The following R3HDM1 variants were observed in gnomAD, a reference collection of about 807,000 sequenced individuals.
R3HDM1 encodes the protein R3H domain containing 1, also known as R3H domain-containing protein 1.
R3HDM1 carries 46 observed loss-of-function variants against 141.1 expected under a neutral mutation model. The ratio of observed to expected loss-of-function variants is 0.33; its 90% CI spans 0.26 to 0.42. The LOEUF (loss-of-function observed/expected upper bound fraction) is 0.42. R3HDM1 is among the 10% of genes least tolerant of loss of function. The probability of loss-of-function intolerance (pLI) is 1.00; values close to 1 mark genes in which losing one functional copy is unlikely to be tolerated. For missense variants in R3HDM1, 1,184 were observed against 1,368.3 expected, an observed-to-expected ratio of 0.87 and a Z score of 2.12; for synonymous variants, 435 against 472.9, an observed-to-expected ratio of 0.92 and a Z score of 1.04.
At chr2:135,690,968 T>A (rs907376195) in intron 21 of R3HDM1, among the ~76,000 whole-genome samples, 1 of 152,192 alleles carries the variant, frequency 6.6e-6, no homozygotes, top group Non-Finnish European at 1.5e-5. Flanking sequence ...TATCCATAAT[T>A]GATCACACCG....
chr2:135,697,177 T>C (rs1403321666), intron 21 of R3HDM1, among the ~76,000 whole-genome samples: 1 of 152,180 alleles, frequency 6.6e-6, no homozygotes, highest in African/African-American at 2.4e-5. Flanking sequence ...GGCATACTCC[T>C]GTAATCCCAA....
At chr2:135,538,597 A>G (rs1489972938) in intron 1 of R3HDM1, among the ~76,000 whole-genome samples, 2 of 152,072 alleles carry the variant, frequency 1.3e-5, no homozygotes, top group Non-Finnish European at 2.9e-5. Flanking sequence ...GCATTTTTCT[A>G]TTTTAAAAGG....
At chr2:135,640,153 G>A (rs1243713642) in intron 14 of R3HDM1, among the ~76,000 whole-genome samples, 1 of 151,940 alleles carries the variant, frequency 6.6e-6, no homozygotes, top group Non-Finnish European at 1.5e-5. Flanking sequence ...CTATTTGGGT[G>A]AGCCTAAACA....
chr2:135,648,901 T>G (rs2064788837), intron 16 of R3HDM1, among the ~76,000 whole-genome samples: 1 of 148,924 alleles, frequency 6.7e-6, no homozygotes, highest in South Asian at 2.1e-4. Context: ...TCTCAGCTCC[T>G]AACATGTACT....
chr2:135,596,043 G>C (rs1390323647), intron 1 of R3HDM1, among the ~76,000 whole-genome samples: 1 of 152,052 alleles, frequency 6.6e-6, no homozygotes, highest in Non-Finnish European at 1.5e-5. Context: ...CTGTCGCCCA[G>C]GCTGGAGTGC....
At chr2:135,618,463 ATTTTTTTT>A (rs755774961) in intron 5 of R3HDM1, among the ~76,000 whole-genome samples, 2 of 124,120 alleles carry the variant, frequency 1.6e-5, no homozygotes, top group Non-Finnish European at 1.7e-5. Context: ...CGCCCGGCTG[ATTTTTTTT>A]TTTTTTTTTT....
At chr2:135,579,202 A>G (rs561512886) in intron 1 of R3HDM1, among the ~76,000 whole-genome samples, 1 of 152,350 alleles carries the variant, frequency 6.6e-6, no homozygotes, top group East Asian at 1.9e-4. Flanking sequence ...AAGTAATTCA[A>G]AAAATGATTA....
Position 135,710,219 on chromosome 2 carries a change from C to T in R3HDM1, c.2724C>T (p.Asp908=), listed in dbSNP as rs575034518. Residue 908 remains aspartate, a synonymous_variant, in exon 23 of 27, where the codon GAC becomes GAT. Transcript: ENST00000683871. The part of the protein sequence containing the change: ...GQKCVEFSSV[D]NIVQHSPQLS... ...AGTGTGTAGAATTTAGCAGTGTAGA[C>T]AATATTGTCCAGGTAAGATGGTTTT... 14 of 1,612,910 alleles carry T rather than the reference C, an allele frequency of 8.7e-6. No individual in the cohort carries two copies. The South Asian group carries it at 1.4e-4, about 16-fold the overall frequency.
At chr2:135,540,322 G>A (rs1016690316) in intron 1 of R3HDM1, among the ~76,000 whole-genome samples, 1 of 152,128 alleles carries the variant, frequency 6.6e-6, no homozygotes, top group Non-Finnish European at 1.5e-5. Context: ...GGTTGAAATC[G>A]ATTTCTTCCA....
At chr2:135,553,850 C>G (rs1195003676) in intron 1 of R3HDM1, among the ~76,000 whole-genome samples, 1 of 152,174 alleles carries the variant, frequency 6.6e-6, no homozygotes, top group African/African-American at 2.4e-5. Context: ...GCCACCACAC[C>G]CGGCTAATTT....
chr2:135,715,118 G>A (rs1559504183), intron 23 of R3HDM1, among the ~76,000 whole-genome samples: 1 of 152,204 alleles, frequency 6.6e-6, no homozygotes, highest in African/African-American at 2.4e-5. Context: ...GGGAGGCTGA[G>A]CCAGGCGGAT....
chr2:135,680,126 G>T, intron 20 of R3HDM1, 47 bp from the exon 21 acceptor site: 2 of 1,551,430 alleles, frequency 1.3e-6, no homozygotes, highest in Non-Finnish European at 1.8e-6. Flanking sequence ...CATTTACAAG[G>T]CCTTGAAAAA....
intron 1 of R3HDM1, among the ~76,000 whole-genome samples, chr2:135,567,474 T>TA (rs1288218542): frequency 2.0e-5 from 3 of 152,198 alleles, no homozygotes; most frequent in African/African-American, 7.2e-5. Flanking sequence ...TCTAGGGGCT[T>TA]ACTGCTTGAC....
At chr2:135,689,696 G>C (rs2071999214) in intron 21 of R3HDM1, among the ~76,000 whole-genome samples, 1 of 152,180 alleles carries the variant, frequency 6.6e-6, no homozygotes. Flanking sequence ...TTATCATTAT[G>C]AAGATTGAGC....
At chr2:135,683,539 G>GTAAGAACC (rs1553620780) in intron 21 of R3HDM1, among the ~76,000 whole-genome samples, 1 of 123,952 alleles carries the variant, frequency 8.1e-6, no homozygotes, top group African/African-American at 3.5e-5. Context: ...GGGCAGCAGA[G>GTAAGAACC]TAAGAACCTA....
In R3HDM1 at chr2:135,573,369, C is replaced by A. The variant is rs538723891; in HGVS notation, c.-249-29131C>A. On this transcript the variant is annotated intron_variant, in intron 1 of 26. Coordinates refer to ENST00000683871, the MANE Select transcript of R3HDM1 (RefSeq NM_001378107.1). Reference sequence around the variant, plus strand: ...CTGTAACTAAAAAGAGAGCACTCACCAGATCCTGGCATGTGATCTCTTCAT... The same window carrying A: ...CTGTAACTAAAAAGAGAGCACTCACAAGATCCTGGCATGTGATCTCTTCAT... 1.5e-4 allele frequency among the ~76,000 whole-genome samples: 23 copies of A among 152,198 alleles called. No individual in the cohort carries two copies. In the South Asian group the frequency reaches 4.8e-3, roughly 32 times the overall value.
At chr2:135,594,983 C>G (rs1201716005) in intron 1 of R3HDM1, among the ~76,000 whole-genome samples, 1 of 151,640 alleles carries the variant, frequency 6.6e-6, no homozygotes, top group Non-Finnish European at 1.5e-5. Context: ...CTACACCCCC[C>G]CCCCTTTTCA....
At chr2:135,548,984 C>T (rs1395527461) in intron 1 of R3HDM1, among the ~76,000 whole-genome samples, 6 of 152,036 alleles carry the variant, frequency 3.9e-5, no homozygotes, top group African/African-American at 1.2e-4. Flanking sequence ...TACTGTCAAA[C>T]GTTTTATGAT....
At chr2:135,660,290 G>A (rs1574807857) in intron 18 of R3HDM1, among the ~76,000 whole-genome samples, 2 of 152,248 alleles carry the variant, frequency 1.3e-5, no homozygotes, top group South Asian at 4.1e-4. Flanking sequence ...TATATACAAT[G>A]AGATATCTTG....
Sources: gnomAD v4.1 joint callset for allele counts (sites outside exome capture counted in the v4.1 genomes callset) on GRCh38, gnomAD v4.1.1 for gene constraint, MANE v1.5 for transcripts, NCBI Gene and HGNC (gene_info 2026-07-23, HGNC 2026-07-21) for gene names.